The following DCLK2 variants were observed in gnomAD, a reference collection of about 807,000 sequenced individuals.
DCLK2 encodes the protein serine/threonine-protein kinase DCLK2.
Under a neutral mutation model 78.4 loss-of-function variants are expected in DCLK2, and 31 were observed. That is an observed-to-expected ratio of 0.40 (90% confidence interval 0.30 to 0.53). The LOEUF is 0.53. DCLK2 is among the 20% of genes least tolerant of loss of function. The pLI, the probability that DCLK2 is intolerant of heterozygous loss-of-function variation, is 0.61. For synonymous variants in DCLK2, 407 were observed against 374.9 expected (o/e 1.09, Z -0.99); for missense variants, 872 against 973.7 (o/e 0.90, Z 1.39).
intron 2 of DCLK2, among the ~76,000 whole-genome samples, chr4:150,119,758 A>T (rs1411593404): frequency 6.6e-6 from 1 of 152,166 alleles, no homozygotes; most frequent in Non-Finnish European, 1.5e-5. Context: ...AGGGAGAAAA[A>T]AAAAAAGAAG....
intron 2 of DCLK2, among the ~76,000 whole-genome samples, chr4:150,134,752 C>T (rs768289607): frequency 3.3e-4 from 50 of 152,246 alleles, no homozygotes; most frequent in Non-Finnish European, 4.9e-4. Flanking sequence ...TTTTCTGCAG[C>T]CTGGTGTGCT....
At chr4:150,205,221 G>A (rs1247850593) in intron 5 of DCLK2, among the ~76,000 whole-genome samples, 1 of 152,140 alleles carries the variant, frequency 6.6e-6, no homozygotes, top group Non-Finnish European at 1.5e-5. Context: ...CACCTTCAGA[G>A]CAGCATGTGA....
intron 2 of DCLK2, among the ~76,000 whole-genome samples, chr4:150,163,071 G>T (rs1341485884): frequency 6.6e-6 from 1 of 151,996 alleles, no homozygotes; most frequent in Non-Finnish European, 1.5e-5. Context: ...CTGCAGGGCG[G>T]TACCTAAGCA....
At position 150,223,743 on chromosome 4, in the gene DCLK2, C is replaced by CAATAAATAAATA. The variant is rs59076501; in HGVS notation, c.1242-736_1242-725dup. On this transcript the variant is annotated intron_variant, in intron 7 of 15. Coordinates refer to ENST00000296550, the MANE Select transcript of DCLK2 (RefSeq NM_001040260.4). ...TGGCTGACAGAGCAAGACTCTCTCT[C>CAATAAATAAATA]AATAAATAAATAAATAAATAAATAA... Among the ~76,000 whole-genome samples, 1,418 of 146,950 alleles carry CAATAAATAAATA rather than the reference C, an allele frequency of 9.6e-3. 11 individuals carry two copies. Among genetic ancestry groups the CAATAAATAAATA allele is most frequent in the East Asian group, 0.019 (95 of 4,992 alleles).
chr4:150,147,809 T>C (rs902301859), intron 2 of DCLK2, among the ~76,000 whole-genome samples: 20 of 152,264 alleles, frequency 1.3e-4, no homozygotes, highest in African/African-American at 4.8e-4. Context: ...CAATGCATTT[T>C]AGTCCTATTT....
intron 15 of DCLK2, among the ~76,000 whole-genome samples, chr4:150,252,876 C>T (rs376215343): frequency 6.6e-6 from 1 of 152,182 alleles, no homozygotes; most frequent in Non-Finnish European, 1.5e-5. Context: ...ATGTCATGAT[C>T]CCATTCAGTA....
At chr4:150,157,179 T>G (rs550192025) in intron 2 of DCLK2, among the ~76,000 whole-genome samples, 1 of 151,520 alleles carries the variant, frequency 6.6e-6, no homozygotes, top group South Asian at 2.1e-4. Flanking sequence ...TTTTTTTTTT[T>G]TTTGTTACTG....
At chr4:150,145,447 A>G (rs1734403247) in intron 2 of DCLK2, among the ~76,000 whole-genome samples, 1 of 152,186 alleles carries the variant, frequency 6.6e-6, no homozygotes, top group Non-Finnish European at 1.5e-5. Context: ...GGTGTTGAGT[A>G]AATGTTAAAC....
At chr4:150,153,821 A>G (rs930552664) in intron 2 of DCLK2, among the ~76,000 whole-genome samples, 9 of 152,120 alleles carry the variant, frequency 5.9e-5, no homozygotes, top group Admixed American at 4.6e-4. Context: ...CCTATGCTAG[A>G]TCTAGCTGTG....
chr4:150,213,457 G>C (rs1312273218), intron 5 of DCLK2, among the ~76,000 whole-genome samples: 1 of 152,110 alleles, frequency 6.6e-6, no homozygotes, highest in Non-Finnish European at 1.5e-5. Context: ...AAAGGTTTCT[G>C]TTCTTGGATA....
chr4:150,230,356 T>C (rs2126564142), intron 8 of DCLK2, among the ~76,000 whole-genome samples: 1 of 152,296 alleles, frequency 6.6e-6, no homozygotes. Flanking sequence ...GAGAGATTCT[T>C]GGGGTACTGG....
At chr4:150,112,271 T>C (rs1731748758) in intron 2 of DCLK2, among the ~76,000 whole-genome samples, 1 of 152,206 alleles carries the variant, frequency 6.6e-6, no homozygotes, top group Non-Finnish European at 1.5e-5. Flanking sequence ...AGCTTGGTCA[T>C]TGTTGATGTA....
chr4:150,222,535 C>T (rs1741261286), intron 7 of DCLK2, among the ~76,000 whole-genome samples: 2 of 152,052 alleles, frequency 1.3e-5, no homozygotes, highest in African/African-American at 4.8e-5. Flanking sequence ...CATATGAGCT[C>T]TGACTCTGTT....
chr4:150,239,140 TCTAA>T (rs1392031402), intron 10 of DCLK2, among the ~76,000 whole-genome samples: 1 of 152,130 alleles, frequency 6.6e-6, no homozygotes, highest in African/African-American at 2.4e-5. Flanking sequence ...CCGCCTACAC[TCTAA>T]CTACTGTGTA....
intron 2 of DCLK2, among the ~76,000 whole-genome samples, chr4:150,162,432 A>G (rs981084882): frequency 3.9e-5 from 6 of 152,178 alleles, no homozygotes; most frequent in Admixed American, 2.0e-4. Flanking sequence ...AACTTTATTA[A>G]GTAGTATTAT....
intron 8 of DCLK2, among the ~76,000 whole-genome samples, chr4:150,226,384 T>C (rs1198653186): frequency 6.6e-6 from 1 of 152,184 alleles, no homozygotes; most frequent in Non-Finnish European, 1.5e-5. Flanking sequence ...ATATTACTAA[T>C]GTTTTTCACT....
chr4:150,093,483 G>A (rs547765357), intron 1 of DCLK2, among the ~76,000 whole-genome samples: 3 of 152,312 alleles, frequency 2.0e-5, no homozygotes, highest in South Asian at 4.1e-4. Context: ...CTGTGTTTAA[G>A]CTATTCTCGT....
At chr4:150,240,502 T>G (rs1418010056) in intron 12 of DCLK2, 26 bp downstream of exon 12, 5 of 1,603,336 alleles carry the variant, frequency 3.1e-6, no homozygotes, top group Non-Finnish European at 4.3e-6. Flanking sequence ...GGCGACGTAT[T>G]TGAATTGCAA....
At chr4:150,238,241 A>G (rs540095947) in intron 10 of DCLK2, among the ~76,000 whole-genome samples, 6 of 152,322 alleles carry the variant, frequency 3.9e-5, no homozygotes, top group African/African-American at 1.2e-4. Flanking sequence ...CATAATAGTG[A>G]CTATTTCCCA....
Sources: allele counts gnomAD v4.1 joint callset (sites outside exome capture counted in the v4.1 genomes callset), GRCh38; gene constraint gnomAD v4.1.1; transcripts MANE v1.5; gene names NCBI Gene and HGNC (gene_info 2026-07-23, HGNC 2026-07-21).